The following LAMC2 variants were observed in gnomAD, a reference collection of about 807,000 sequenced individuals.
LAMC2 encodes the protein laminin subunit gamma-2.
Under a neutral mutation model 140.2 loss-of-function variants are expected in LAMC2, and 97 were observed. The ratio of observed to expected loss-of-function variants is 0.69; its 90% CI spans 0.59 to 0.82. LAMC2 has a LOEUF of 0.82. Among genes scored for constraint, LAMC2 ranks in the 40% least tolerant of loss-of-function variants. LAMC2 has a pLI of 0.00. For missense variants in LAMC2, 1,402 were observed against 1,476.1 expected, an observed-to-expected ratio of 0.95 and a Z score of 0.82; for synonymous variants, 513 against 540.2, an observed-to-expected ratio of 0.95 and a Z score of 0.70.
chr1:183,252,776 T>C, the LAMC2 span: 3 of 1,523,932 alleles, frequency 2.0e-6, no homozygotes, highest in Non-Finnish European at 2.7e-6. Context: ...CAGATGGACA[T>C]CCACACCCAA....
In LAMC2 at chr1:183,244,922, T is replaced by A. The variant is rs1270768720; in HGVS notation, c.*1522T>A. 1 of 152,218 alleles carries A rather than the reference T, an allele frequency of 6.6e-6. No individual in the cohort carries two copies. The highest frequency in any genetic ancestry group is 1.5e-5 in the Non-Finnish European group (1 of 68,046). The allele number at this position is 152,218 out of a possible 1,614,324, so 9.4% of individuals were successfully genotyped here. A position where few individuals can be genotyped will look rare whatever the true frequency, so the allele number is the denominator to read the frequency against. The stretch of plus-strand genomic sequence containing the variant: ...TAGATGCCTGGGGTCAGTTTCTGAT[T>A]TACTAAACTCTAAGCCTATGATGGT... On this transcript the variant is annotated 3_prime_UTR_variant, in exon 23 of 23. Coordinates refer to ENST00000264144, the MANE Select transcript of LAMC2 (RefSeq NM_005562.3).
intron 1 of LAMC2, 32 bp from the exon 2 acceptor site, chr1:183,207,849 T>TTTGACGA: frequency 6.4e-7 from 1 of 1,574,792 alleles, no homozygotes; most frequent in Non-Finnish European, 8.7e-7. Context: ...TTTTTTTTTT[T>TTTGACGA]TGACGATCTC....
intron 1 of LAMC2, among the ~76,000 whole-genome samples, chr1:183,194,907 G>C (rs1431882353): frequency 1.3e-5 from 2 of 152,226 alleles, no homozygotes; most frequent in African/African-American, 4.8e-5. Context: ...AGAGTGTGGA[G>C]TTCCATGGAG....
At chr1:183,207,815 G>T in intron 1 of LAMC2, 66 bp from the exon 2 acceptor site, 1 of 1,304,690 alleles carries the variant, frequency 7.7e-7, no homozygotes, top group Non-Finnish European at 1.1e-6. Flanking sequence ...ATAAACACCT[G>T]CTAGAACAGT....
intron 1 of LAMC2, among the ~76,000 whole-genome samples, chr1:183,200,345 G>A (rs866190175): frequency 2.0e-5 from 3 of 151,830 alleles, no homozygotes; most frequent in Admixed American, 6.6e-5. Context: ...AGCCAAGATC[G>A]CGCCACTGCA....
chr1:183,217,431 C>T (rs143323770), intron 3 of LAMC2, among the ~76,000 whole-genome samples: 236 of 152,290 alleles, frequency 1.5e-3, no homozygotes, highest in African/African-American at 5.5e-3. Context: ...CCTAGGTATA[C>T]ACCCAAGAGA....
intron 1 of LAMC2, among the ~76,000 whole-genome samples, chr1:183,191,992 G>A (rs1472614719): frequency 6.6e-6 from 1 of 152,204 alleles, no homozygotes; most frequent in Non-Finnish European, 1.5e-5. Context: ...CCAGATAGGT[G>A]ATGTAATGTT....
Position 183,203,353 on chromosome 1 carries a change from T to C in LAMC2, c.80-4528T>C, listed in dbSNP as rs552402418. 2.0e-5 allele frequency among the ~76,000 whole-genome samples: 3 copies of C among 152,258 alleles called. No individual in the cohort carries two copies. The East Asian group carries it at 5.8e-4, about 29-fold the overall frequency. ...TTGGCAACTGGTAGTTGCCAAACCA[T>C]GGTAGTAGTTGGGCAGGTATTGGTC... On this transcript the variant is annotated intron_variant, in intron 1 of 22. Coordinates refer to ENST00000264144, the MANE Select transcript of LAMC2 (RefSeq NM_005562.3).
At chr1:183,239,960 T>C in intron 20 of LAMC2, 80 bp from the exon 21 acceptor site, 2 of 1,527,800 alleles carry the variant, frequency 1.3e-6, no homozygotes, top group Non-Finnish European at 1.8e-6. Flanking sequence ...CCGCTGTATT[T>C]TTTCTATGGT....
intron 1 of LAMC2, among the ~76,000 whole-genome samples, chr1:183,203,763 G>A (rs988370886): frequency 2.6e-5 from 4 of 152,006 alleles, no homozygotes; most frequent in Non-Finnish European, 5.9e-5. Context: ...GTGTCTTCAC[G>A]GAGTTCTCAT....
intron 18 of LAMC2, 141 bp downstream of exon 18, chr1:183,237,645 A>G (rs974135144): frequency 8.3e-6 from 7 of 842,214 alleles, no homozygotes; most frequent in Admixed American, 2.1e-5. Context: ...TTTGGAGGCC[A>G]AGCCAGGAGG....
chr1:183,191,498 C>CTTTT (rs58871555), intron 1 of LAMC2, among the ~76,000 whole-genome samples: 1 of 138,888 alleles, frequency 7.2e-6, no homozygotes. Flanking sequence ...AACTTACTGA[C>CTTTT]TTTTTTTTTT....
chr1:183,226,408 G>A (rs1300569923), intron 8 of LAMC2, among the ~76,000 whole-genome samples: 3 of 151,976 alleles, frequency 2.0e-5, no homozygotes, highest in South Asian at 4.2e-4. Context: ...AAATACCACC[G>A]TTACTTCTTG....
intron 22 of LAMC2, chr1:183,240,664 A>G: frequency 7.4e-7 from 1 of 1,354,088 alleles, no homozygotes; most frequent in Non-Finnish European, 9.5e-7. Flanking sequence ...AAGCAACTTC[A>G]CAGAACACGA....
rs587281 is a variant in LAMC2 at position 183,243,185 on chromosome 1, C to G, written c.3367C>G (p.Leu1123Val). Residue 1123 changes from leucine (L) to valine (V), a missense_variant, in exon 23 of 23, where the codon CTG becomes GTG. By Grantham distance (32) the Leu-to-Val change is conservative. Around this residue, in one of 3 missense-constraint regions of LAMC2, gnomAD observed 670 missense variants for 667.2 expected, o/e 1.00. Coordinates refer to ENST00000264144, the MANE Select transcript of LAMC2 (RefSeq NM_005562.3). ...LSVDEEGLVL[L>V]EQKLSRAKTQ... is the part of the protein sequence containing the mutation. ...TGTAGATGAAGAGGGGCTGGTCTTA[C>G]TGGAGCAGAAGCTTTCCCGAGCCAA... 10 of 1,582,852 alleles carry G rather than the reference C, an allele frequency of 6.3e-6. No individual in the cohort carries two copies. The South Asian group carries it at 1.1e-4, about 18-fold the overall frequency.
At chr1:183,222,321 A>G in intron 6 of LAMC2, 110 bp downstream of exon 6, 2 of 1,203,496 alleles carry the variant, frequency 1.7e-6, no homozygotes, top group Non-Finnish European at 2.5e-6. Flanking sequence ...GGTTCAGGGT[A>G]GCAGCATCTC....
At chr1:183,186,454 A>G in intron 1 of LAMC2, 23 bp downstream of exon 1, 1 of 1,600,618 alleles carries the variant, frequency 6.2e-7, no homozygotes, top group Non-Finnish European at 8.5e-7. Context: ...CCACAAGGAA[A>G]CATCTCAGCC....
At chr1:183,235,093 G>GT (rs138600192) in intron 15 of LAMC2, among the ~76,000 whole-genome samples, 5,998 of 152,060 alleles carry the variant, frequency 0.039, 139 homozygotes, top group South Asian at 0.11. Context: ...GTTTCTTTGG[G>GT]TTTTTTTTAA....
At chr1:183,200,222 C>T (rs1658662549) in intron 1 of LAMC2, among the ~76,000 whole-genome samples, 1 of 152,042 alleles carries the variant, frequency 6.6e-6, no homozygotes, top group Non-Finnish European at 1.5e-5. Flanking sequence ...GAAACCCTAT[C>T]TCTAATAAAC....
Sources: allele counts gnomAD v4.1 joint callset (sites outside exome capture counted in the v4.1 genomes callset), GRCh38; gene constraint gnomAD v4.1.1; regional missense constraint gnomAD v4.1.1; transcripts MANE v1.5; gene names NCBI Gene and HGNC (gene_info 2026-07-23, HGNC 2026-07-21).